The following ADAM20 variants were observed in gnomAD, a reference collection of about 807,000 sequenced individuals.
ADAM20 encodes disintegrin and metalloproteinase domain-containing protein 20.
For synonymous variants in ADAM20, 305 were observed against 310.2 expected (o/e 0.98, Z 0.18); for missense variants, 871 against 883.2 (o/e 0.99, Z 0.18).
At position 70,524,387 on chromosome 14, in the gene ADAM20, G is replaced by A. The variant is rs2139530168; in HGVS notation, c.371C>T (p.Ala124Val). 6.2e-7 allele frequency: 1 copy of A among 1,613,948 alleles called. No individual in the cohort carries two copies. Among genetic ancestry groups the A allele is most frequent in the African/African-American group, 1.3e-5 (1 of 75,010 alleles). Reference sequence around the variant, plus strand: ...AAAGCCCCCAGAACAGGTACTAAGGGCAACCAAGGACTCAGGGACCCCCTC... The same window carrying A: ...AAAGCCCCCAGAACAGGTACTAAGGACAACCAAGGACTCAGGGACCCCCTC... ...YVEGVPESLV[A>V]LSTCSGGFLG... The change falls in exon 2 of 2, where the codon GCC (alanine) becomes GTC (valine). Residue 124 changes from alanine to valine, a missense_variant. Coordinates refer to ENST00000256389, the MANE Select transcript of ADAM20 (RefSeq NM_003814.5).
the ADAM20 span, among the ~76,000 whole-genome samples, chr14:70,546,337 G>C: frequency 6.6e-6 from 1 of 152,176 alleles, no homozygotes; most frequent in Non-Finnish European, 1.5e-5. Context: ...ATGAAGTCCT[G>C]ATGACATGTG....
At chr14:70,559,724 C>T in the ADAM20 span, among the ~76,000 whole-genome samples, 6 of 152,306 alleles carry the variant, frequency 3.9e-5, no homozygotes, top group African/African-American at 1.4e-4. Flanking sequence ...GGTCTCCTTG[C>T]TGATCCACTA....
chr14:70,526,636 T>C (rs1883596513), intron 1 of ADAM20, among the ~76,000 whole-genome samples: 1 of 152,164 alleles, frequency 6.6e-6, no homozygotes, highest in Non-Finnish European at 1.5e-5. Context: ...TTCCAAAGAA[T>C]CTGTGATAGG....
At chr14:70,540,720 C>A in the ADAM20 span, among the ~76,000 whole-genome samples, 1 of 152,136 alleles carries the variant, frequency 6.6e-6, no homozygotes, top group African/African-American at 2.4e-5. Context: ...GCAGTCTAGT[C>A]CACAGACATG....
chr14:70,524,562 G>A lies in ADAM20; in HGVS notation c.196C>T (p.Arg66Trp), dbSNP rs755610724. Residue 66 changes from arginine to tryptophan, a missense_variant, in exon 2 of 2, where the codon CGG becomes TGG. Physicochemically the swap from Arg to Trp is moderately radical, Grantham distance 101. Transcript: ENST00000256389. ...ACAATGTATCTCTGTCCCCCAAACC[G>A]CAGGCTATAGGAGAGCCATCCAGGA... ...KAPGWLSYSL[R>W]FGGQRYIVHM... The A allele has an allele frequency of 2.5e-5, 41 of 1,613,786 alleles. No homozygotes were observed. Among genetic ancestry groups the A allele is most frequent in the Middle Eastern group, 1.6e-4 (1 of 6,072 alleles).
rs771776243 is a variant in ADAM20, at chr14:70,522,899, C to T, written c.1859G>A (p.Cys620Tyr). The T allele has an allele frequency of 2.4e-5, 39 of 1,613,948 alleles. 1 individual carries two copies. The South Asian group carries it at 3.6e-4, about 15-fold the overall frequency. The change falls in exon 2 of 2, where the codon TGC becomes TAC. Residue 620 changes from cysteine to tyrosine, a missense_variant. Transcript: ENST00000256389. Reference sequence around the variant, plus strand: ...CATACTGGCACACTTCTTACGGATGCAGATCTTTTCTGGACCACATACTGT... The same window carrying T: ...CATACTGGCACACTTCTTACGGATGTAGATCTTTTCTGGACCACATACTGT... The part of the protein sequence containing the change: ...DGTVCGPEKI[C>Y]IRKKCASMVH...
chr14:70,543,688 T>C, the ADAM20 span, among the ~76,000 whole-genome samples: 10 of 152,186 alleles, frequency 6.6e-5, no homozygotes, highest in African/African-American at 2.4e-4. Context: ...CAAAGATTTT[T>C]AACTGACAGG....
upstream of ADAM20, among the ~76,000 whole-genome samples, chr14:70,537,949 G>T (rs1432440587): frequency 6.6e-6 from 1 of 152,118 alleles, no homozygotes; most frequent in East Asian, 1.9e-4. Flanking sequence ...CCCTCCCTGT[G>T]TCAAGCTTGT....
chr14:70,567,052 G>A, the ADAM20 span, among the ~76,000 whole-genome samples: 1 of 152,146 alleles, frequency 6.6e-6, no homozygotes, highest in South Asian at 2.1e-4. Flanking sequence ...CCAAACTGTT[G>A]GGAACCCCTC....
chr14:70,528,183 A>C lies in ADAM20; in HGVS notation c.-176-3250T>G, dbSNP rs1037519202. On this transcript the variant is annotated intron_variant, in intron 1 of 1. Coordinates refer to ENST00000256389, the MANE Select transcript of ADAM20 (RefSeq NM_003814.5). ...GGCTAAAGAAAGCTTAGTATCCTTA[A>C]TATAATTATGTTAAACCTGCATAAA... Among the ~76,000 whole-genome samples the C allele has an allele frequency of 2.6e-4, 39 of 152,352 alleles. 1 individual carries two copies. Among genetic ancestry groups the C allele is most frequent in the Admixed American group, 1.6e-3 (25 of 15,300 alleles).
chr14:70,565,824 C>T, the ADAM20 span, among the ~76,000 whole-genome samples: 794 of 152,116 alleles, frequency 5.2e-3, 6 homozygotes, highest in African/African-American at 0.018. Flanking sequence ...TATGCAAATA[C>T]ATTATTTTAT....
intron 1 of ADAM20, among the ~76,000 whole-genome samples, chr14:70,530,971 C>G (rs1883698812): frequency 6.7e-6 from 1 of 150,100 alleles, no homozygotes; most frequent in Non-Finnish European, 1.5e-5. Context: ...CGCTGAAAGT[C>G]AACAGAAAAA....
the ADAM20 span, chr14:70,557,136 C>G: frequency 3.3e-5 from 5 of 151,916 alleles, no homozygotes; most frequent in Non-Finnish European, 5.9e-5. Flanking sequence ...TAAACAATTT[C>G]CAAGGTAAAA....
chr14:70,527,675 T>C (rs1382150165), intron 1 of ADAM20, among the ~76,000 whole-genome samples: 2 of 151,868 alleles, frequency 1.3e-5, no homozygotes, highest in African/African-American at 2.4e-5. Flanking sequence ...TCACAGAGGA[T>C]TAAGTTCTTA....
intron 1 of ADAM20, among the ~76,000 whole-genome samples, chr14:70,533,365 G>A (rs775857075): frequency 3.9e-5 from 6 of 152,078 alleles, no homozygotes; most frequent in African/African-American, 7.2e-5. Context: ...GCCCATCAAC[G>A]ATAGACTGGA....
intron 1 of ADAM20, among the ~76,000 whole-genome samples, chr14:70,530,123 A>C (rs1464116927): frequency 6.6e-6 from 1 of 152,140 alleles, no homozygotes; most frequent in East Asian, 1.9e-4. Flanking sequence ...TCTACTAAAA[A>C]TACAAAAATT....
chr14:70,575,809 G>A, the ADAM20 span, among the ~76,000 whole-genome samples: 1 of 152,136 alleles, frequency 6.6e-6, no homozygotes, highest in South Asian at 2.1e-4. Flanking sequence ...CTTTAGAAGA[G>A]GGAAAGTTTT....
At chr14:70,578,846 C>T in the ADAM20 span, among the ~76,000 whole-genome samples, 1 of 152,064 alleles carries the variant, frequency 6.6e-6, no homozygotes, top group Admixed American at 6.6e-5. Flanking sequence ...CCCCTCCCTC[C>T]CCACTTTTGG....
At chr14:70,541,837 T>C in the ADAM20 span, among the ~76,000 whole-genome samples, 1 of 152,254 alleles carries the variant, frequency 6.6e-6, no homozygotes, top group African/African-American at 2.4e-5. Context: ...GTAATAATTA[T>C]AATTGTTATG....
Sources: gnomAD v4.1 joint callset for allele counts (sites outside exome capture counted in the v4.1 genomes callset) on GRCh38, gnomAD v4.1.1 for gene constraint, MANE v1.5 for transcripts, NCBI Gene and HGNC (gene_info 2026-07-23, HGNC 2026-07-21) for gene names.